The following MVP variants were observed in gnomAD, a reference collection of about 807,000 sequenced individuals.
The protein encoded by MVP is major vault protein.
In MVP, 62 loss-of-function variants were observed where a neutral mutation model predicts 83.5. That is an observed-to-expected ratio of 0.74 (90% CI 0.61 to 0.92). The LOEUF (loss-of-function observed/expected upper bound fraction) is 0.92. Ranked by LOEUF, MVP falls within the 40% of genes least tolerant of loss-of-function variation. The pLI, the probability that MVP is intolerant of heterozygous loss-of-function variation, is 0.00. For synonymous variants in MVP, 505 were observed against 504.1 expected (o/e 1.00, Z -0.02); for missense variants, 1,000 against 1,203.4 (o/e 0.83, Z 2.50).
Position 29,830,573 on chromosome 16 carries a change from CCG to C in MVP, c.26_27del (p.Arg9HisfsTer32), listed in dbSNP as rs1407681782. On this transcript the variant is annotated frameshift_variant, in exon 2 of 15. Coordinates refer to ENST00000357402, the MANE Select transcript of MVP (RefSeq NM_005115.5). LOFTEE classifies it high-confidence loss of function. MATEEFIIRIPPYHYIHVL... is the reference protein window; with the variant it reads MATEEFIIXIPPYHYIHVL... Reference sequence around the variant, plus strand: ...CCATGGCAACTGAAGAGTTCATCATCCGCATCCCCCCATACCACTATATCCAT... The same window carrying C: ...CCATGGCAACTGAAGAGTTCATCATCCATCCCCCCATACCACTATATCCAT... 6.2e-7 allele frequency: 1 copy of C among 1,614,064 alleles called. No homozygotes were observed. The highest frequency in any genetic ancestry group is 8.5e-7 in the Non-Finnish European group (1 of 1,179,992).
intron 5 of MVP, 144 bp downstream of exon 5, chr16:29,834,210 C>T: frequency 8.9e-7 from 1 of 1,126,162 alleles, no homozygotes. Flanking sequence ...GGGCCACCCA[C>T]TGCTCTTCCT....
At chr16:29,835,857 C>A in intron 6 of MVP, 59 bp downstream of exon 6, 1 of 1,391,000 alleles carries the variant, frequency 7.2e-7, no homozygotes, top group Non-Finnish European at 1.0e-6. Flanking sequence ...CTCCGAGTGG[C>A]AGAGAATGGT....
Position 29,836,723 on chromosome 16 carries a change from C to T in MVP, c.674C>T (p.Thr225Ile). Reference sequence around the variant, plus strand: ...AATACCCAACATGTTGCTCTGCAGACAGCCCTGCACCTCCGGGCTCGGCGG... The same window carrying T: ...AATACCCAACATGTTGCTCTGCAGATAGCCCTGCACCTCCGGGCTCGGCGG... ...LVDAVILTEK[T>I]ALHLRARRNF... The change falls in exon 7 of 15, where the codon ACA (threonine) becomes ATA (isoleucine). Residue 225 changes from threonine to isoleucine, a missense_variant and splice_region_variant. Physicochemically the swap from Thr to Ile is moderately conservative, Grantham distance 89. Coordinates refer to ENST00000357402, the MANE Select transcript of MVP (RefSeq NM_005115.5). The T allele has an allele frequency of 1.3e-6, 2 of 1,568,512 alleles. No individual in the cohort carries two copies. The highest frequency in any genetic ancestry group is 1.7e-6 in the Non-Finnish European group (2 of 1,152,758).
rs66512916 is a variant in MVP, at chr16:29,823,122, C to CTTTTTTT, written c.-36+2626_-36+2632dup. ...TTTTTTTTTCCTTTTCTTTTCTTTT[C>CTTTTTTT]TTTTTTTTTTTTTTTTTTTTGAGAT... On this transcript the variant is annotated intron_variant, in intron 1 of 14. Coordinates refer to ENST00000357402, the MANE Select transcript of MVP (RefSeq NM_005115.5). Among the ~76,000 whole-genome samples, 182 of 98,488 alleles carry CTTTTTTT rather than the reference C, an allele frequency of 1.8e-3. 1 individual carries two copies. The highest frequency in any genetic ancestry group is 2.8e-3 in the Non-Finnish European group (150 of 52,772). The allele number at this position is 98,488 out of a possible 152,430, so 64.6% of individuals were successfully genotyped here. A position where few individuals can be genotyped will look rare whatever the true frequency, so the allele number is the denominator to read the frequency against.
At chr16:29,824,294 A>G (rs1367228590) in intron 1 of MVP, among the ~76,000 whole-genome samples, 1 of 150,468 alleles carries the variant, frequency 6.6e-6, no homozygotes, top group African/African-American at 2.4e-5. Context: ...GCTTTAGACC[A>G]GAGCTGCTCA....
At chr16:29,830,451 G>A in intron 1 of MVP, 64 bp from the exon 2 acceptor site, 1 of 1,436,830 alleles carries the variant, frequency 7.0e-7, no homozygotes, top group Admixed American at 1.8e-5. Flanking sequence ...TCTGTCACCA[G>A]ATTCATGCCT....
At chr16:29,824,612 G>A (rs2067392462) in intron 1 of MVP, among the ~76,000 whole-genome samples, 1 of 152,148 alleles carries the variant, frequency 6.6e-6, no homozygotes, top group South Asian at 2.1e-4. Context: ...CAAAAAATTA[G>A]CCAGGCTTGG....
Position 29,841,953 on chromosome 16 carries a change from A to AG in MVP, c.1477dup (p.Glu493GlyfsTer29). On this transcript the variant is annotated frameshift_variant, in exon 10 of 15. Coordinates refer to ENST00000357402, the MANE Select transcript of MVP (RefSeq NM_005115.5). LOFTEE classifies it high-confidence loss of function. The surrounding 1 kb of genome is among the most constrained non-coding windows in gnomAD (Gnocchi z 4.7). ...CCTGAGCTGGTGTCGCTGGGTCCTG[A>AG]GGAGCAGTTCACAGTGTTGTCCCTC... The AG allele has an allele frequency of 1.2e-6, 2 of 1,612,816 alleles. No individual in the cohort carries two copies. Among genetic ancestry groups the AG allele is most frequent in the Non-Finnish European group, 1.7e-6 (2 of 1,180,004 alleles).
intron 7 of MVP, among the ~76,000 whole-genome samples, chr16:29,839,783 CAAAAAAAAAAAA>C (rs71373206): frequency 8.4e-5 from 4 of 47,368 alleles, no homozygotes; most frequent in Admixed American, 3.3e-4. Flanking sequence ...AAGACTATCT[CAAAAAAAAAAAA>C]AAAAAAAAAA....
At chr16:29,826,639 AAG>A (rs1555504013) in intron 1 of MVP, among the ~76,000 whole-genome samples, 3 of 150,320 alleles carry the variant, frequency 2.0e-5, no homozygotes, top group Non-Finnish European at 4.5e-5. Context: ...AAAAAAAAAA[AAG>A]GCCGGGCGTG....
chr16:29,835,723 C>T lies in MVP; in HGVS notation c.597C>T (p.Thr199=), dbSNP rs766590067. 7.4e-5 allele frequency: 120 copies of T among 1,613,626 alleles called. No homozygotes were observed. The highest frequency in any genetic ancestry group is 9.9e-5 in the Non-Finnish European group (117 of 1,179,932). ...GCCCAGGGGAAGAATGGCTGGTCAC[C>T]ACAGTAGGGGCGTACCTCCCAGCGG... The part of the protein sequence containing the change: ...ERVTGEEWLV[T]TVGAYLPAVF... The change falls in exon 6 of 15, where the codon ACC becomes ACT. Residue 199 remains threonine, a synonymous_variant. Coordinates refer to ENST00000357402, the MANE Select transcript of MVP (RefSeq NM_005115.5).
At chr16:29,836,636 T>C (rs544691405) in intron 6 of MVP, 86 bp from the exon 7 acceptor site, 285 of 1,021,202 alleles carry the variant, frequency 2.8e-4, no homozygotes, top group Non-Finnish European at 3.8e-4. Context: ...TCTGGGAGCA[T>C]TGGGAGCATT....
intron 3 of MVP, chr16:29,831,690 C>CA (rs1567389628): frequency 2.2e-6 from 1 of 456,172 alleles, no homozygotes; most frequent in East Asian, 6.9e-5. Context: ...CATTAAATGA[C>CA]ATGTGCCAAG....
intron 1 of MVP, among the ~76,000 whole-genome samples, chr16:29,824,833 GTTTA>G (rs765385277): frequency 4.6e-5 from 7 of 151,816 alleles, no homozygotes; most frequent in Non-Finnish European, 1.0e-4. Context: ...CTCATGACTC[GTTTA>G]TTTATTAAGT....
In MVP at chr16:29,844,584, G is replaced by A; in HGVS notation, c.1726G>A (p.Ala576Thr). 2 of 1,612,114 alleles carry A rather than the reference G, an allele frequency of 1.2e-6. No individual in the cohort carries two copies. The highest frequency in any genetic ancestry group is 8.5e-7 in the Non-Finnish European group (1 of 1,178,958). ...TGTAGGTGATGCCTGCAAAGCCATCGCATCCCGGGTGCGGGGGGCCGTGGC... is the reference window on the plus strand; with the variant it reads ...TGTAGGTGATGCCTGCAAAGCCATCACATCCCGGGTGCGGGGGGCCGTGGC... The part of the protein sequence containing the change: ...DFVGDACKAI[A>T]SRVRGAVASV... Residue 576 changes from alanine (A) to threonine (T), a missense_variant, in exon 11 of 15, where the codon GCA (alanine) becomes ACA (threonine). Ala to Thr is a moderately conservative substitution (Grantham distance 58). Coordinates refer to ENST00000357402, the MANE Select transcript of MVP (RefSeq NM_005115.5).
intron 7 of MVP, among the ~76,000 whole-genome samples, chr16:29,838,359 C>A (rs931248429): frequency 6.6e-6 from 1 of 151,744 alleles, no homozygotes; most frequent in Non-Finnish European, 1.5e-5. Context: ...TTGCTTGAAC[C>A]CGGGAGGCGG....
chr16:29,847,102 A>T, intron 13 of MVP, 95 bp from the exon 14 acceptor site: 1 of 1,337,398 alleles, frequency 7.5e-7, no homozygotes, highest in Non-Finnish European at 1.0e-6. Flanking sequence ...AGGCAGGAGG[A>T]TCCTTTGAGC....
chr16:29,843,129 G>C (rs2067548307), intron 10 of MVP, among the ~76,000 whole-genome samples: 1 of 152,150 alleles, frequency 6.6e-6, no homozygotes, highest in Non-Finnish European at 1.5e-5. Flanking sequence ...ATGAGTGTTA[G>C]AACAGTGCCT....
At chr16:29,824,920 T>C (rs2067394836) in intron 1 of MVP, among the ~76,000 whole-genome samples, 1 of 151,898 alleles carries the variant, frequency 6.6e-6, no homozygotes, top group African/African-American at 2.4e-5. Flanking sequence ...TTTTTCTTTC[T>C]TTAAAGAGAT....
Sources: allele counts gnomAD v4.1 joint callset (sites outside exome capture counted in the v4.1 genomes callset), GRCh38; gene constraint gnomAD v4.1.1; non-coding constraint Gnocchi (gnomAD v3.1); transcripts MANE v1.5; gene names NCBI Gene and HGNC (gene_info 2026-07-23, HGNC 2026-07-21).